Variants in SORCS2 observed in about 807,000 individuals in gnomAD.
SORCS2 encodes VPS10 domain-containing receptor SorCS2.
SORCS2 carries 100 observed loss-of-function variants against 141.6 expected under a neutral mutation model. That is an observed-to-expected ratio of 0.71 (90% confidence interval 0.60 to 0.83). The LOEUF is 0.83. Ranked by LOEUF, SORCS2 falls within the 40% of genes least tolerant of loss-of-function variation. SORCS2 has a pLI of 0.00. For missense variants in SORCS2, 1,646 were observed against 1,560.2 expected (o/e 1.05, Z -0.93); for synonymous variants, 789 against 676.9 (o/e 1.17, Z -2.57).
chr4:7,205,042 A>G (rs1487183102), intron 1 of SORCS2, among the ~76,000 whole-genome samples: 1 of 152,278 alleles, frequency 6.6e-6, no homozygotes, highest in Non-Finnish European at 1.5e-5. Context: ...GCACTCAATA[A>G]AAACCCTATG....
intron 1 of SORCS2, among the ~76,000 whole-genome samples, chr4:7,273,655 A>G (rs1715284693): frequency 1.3e-5 from 2 of 152,140 alleles, no homozygotes; most frequent in Admixed American, 6.5e-5. Flanking sequence ...CTGGCTAGGG[A>G]TTTCTGGGAG....
intron 3 of SORCS2, among the ~76,000 whole-genome samples, chr4:7,553,485 G>T (rs1303654509): frequency 6.6e-6 from 1 of 152,260 alleles, no homozygotes; most frequent in African/African-American, 2.4e-5. Flanking sequence ...ACCCAGCTAA[G>T]CTGTCATCTG....
intron 2 of SORCS2, among the ~76,000 whole-genome samples, chr4:7,412,465 G>A (rs7663146): frequency 0.15 from 22,944 of 152,136 alleles, 2,137 homozygotes; most frequent in East Asian, 0.36. Flanking sequence ...AGACGACCCC[G>A]TGCATTCTGA....
rs371557455 is a variant in SORCS2 at position 7,559,918 on chromosome 4, A to G, written c.648+28289A>G. On this transcript the variant is annotated intron_variant, in intron 3 of 26. Coordinates refer to ENST00000507866, the MANE Select transcript of SORCS2 (RefSeq NM_020777.3). ...TACTGCAGGGCCGGAGCCAGGCGCT[A>G]TGGAGTTGAGACTTTATTTCTCACT... Among the ~76,000 whole-genome samples, 6 of 152,200 alleles carry G rather than the reference A, an allele frequency of 3.9e-5. No individual in the cohort carries two copies. The East Asian group carries it at 5.8e-4, about 15-fold the overall frequency.
intron 1 of SORCS2, among the ~76,000 whole-genome samples, chr4:7,324,975 A>C (rs1719152023): frequency 6.6e-6 from 1 of 152,254 alleles, no homozygotes; most frequent in East Asian, 1.9e-4. Context: ...CTGGCCTGGA[A>C]GGAGTCTCTC....
At position 7,703,389 on chromosome 4, in the gene SORCS2, C is replaced by A. The variant is rs769052498; in HGVS notation, c.1760+18C>A. The A allele has an allele frequency of 6.2e-7, 1 of 1,605,046 alleles. No individual in the cohort carries two copies. The highest frequency in any genetic ancestry group is 8.5e-7 in the Non-Finnish European group (1 of 1,175,174). On this transcript the variant is annotated intron_variant, in intron 13 of 26. Coordinates refer to ENST00000507866, the MANE Select transcript of SORCS2 (RefSeq NM_020777.3). ...ATCCTCAAGTAATGGCGTCTGCTAG[C>A]CCCGGGGCAGGGAGGGCAGGCTGGG...
chr4:7,475,814 T>C (rs1730257376), intron 2 of SORCS2, among the ~76,000 whole-genome samples: 1 of 152,218 alleles, frequency 6.6e-6, no homozygotes, highest in East Asian at 1.9e-4. Context: ...GCATGTCCAG[T>C]GACAGACTCA....
At position 7,209,249 on chromosome 4, in the gene SORCS2, G is replaced by A. The variant is rs185341487; in HGVS notation, c.480+16123G>A. The stretch of plus-strand genomic sequence containing the variant: ...TGTCACCCTGTCCTTCAGCGCCCGA[G>A]AGCACGCCCCGCCCCCGTCTGTGAG... On this transcript the variant is annotated intron_variant, in intron 1 of 26. Transcript: ENST00000507866. Among the ~76,000 whole-genome samples, 13 of 152,278 alleles carry A rather than the reference G, an allele frequency of 8.5e-5. No individual in the cohort carries two copies. The East Asian group carries it at 2.3e-3, about 27-fold the overall frequency.
rs1327372167 is a variant in SORCS2 at position 7,654,138 on chromosome 4, A to G, written c.818A>G (p.Tyr273Cys). 10 of 1,576,680 alleles carry G rather than the reference A, an allele frequency of 6.3e-6. No homozygotes were observed. The highest frequency in any genetic ancestry group is 2.3e-5 in the East Asian group (1 of 43,080). Residue 273 changes from tyrosine (Y) to cysteine (C), a missense_variant, in exon 5 of 27, where the codon TAC becomes TGC. Coordinates refer to ENST00000507866, the MANE Select transcript of SORCS2 (RefSeq NM_020777.3). ...VLAYTKESKL[Y>C]VSSDLGKKWT... is the part of the protein sequence containing the mutation. ...TTTCTTTTTTCTGCCCTAAAGCTCT[A>G]CGTGTCATCTGACTTGGGGAAAAAG...
chr4:7,692,668 T>G (rs956406321), intron 11 of SORCS2, among the ~76,000 whole-genome samples: 22 of 152,304 alleles, frequency 1.4e-4, no homozygotes, highest in African/African-American at 5.3e-4. Flanking sequence ...AGCATCCTGA[T>G]GCCGAGTGTT....
At chr4:7,372,713 G>A (rs1722336575) in intron 1 of SORCS2, among the ~76,000 whole-genome samples, 1 of 152,106 alleles carries the variant, frequency 6.6e-6, no homozygotes, top group Non-Finnish European at 1.5e-5. Flanking sequence ...TCACCCCCCA[G>A]AAGTTCCCCT....
intron 9 of SORCS2, among the ~76,000 whole-genome samples, chr4:7,678,946 C>T (rs1436220580): frequency 6.6e-6 from 1 of 152,136 alleles, no homozygotes; most frequent in South Asian, 2.1e-4. Context: ...AGGTTTAAGG[C>T]TGTCATTCCT....
intron 1 of SORCS2, among the ~76,000 whole-genome samples, chr4:7,240,781 G>A (rs761351189): frequency 6.6e-6 from 1 of 152,200 alleles, no homozygotes; most frequent in Non-Finnish European, 1.5e-5. Context: ...GCAACTGCCC[G>A]CTGTGGTGCT....
intron 10 of SORCS2, among the ~76,000 whole-genome samples, chr4:7,685,231 G>T (rs1460163862): frequency 2.6e-5 from 4 of 152,314 alleles, no homozygotes; most frequent in Middle Eastern, 3.4e-3. Context: ...GATAACCTCG[G>T]TGAGATTTAT....
At chr4:7,641,811 TG>T (rs1720749465) in intron 4 of SORCS2, among the ~76,000 whole-genome samples, 1 of 133,234 alleles carries the variant, frequency 7.5e-6, no homozygotes, top group South Asian at 2.7e-4. Context: ...GATGGATGGA[TG>T]GATGGGTGGG....
At chr4:7,668,546 TG>T (rs1357656644) in intron 8 of SORCS2, among the ~76,000 whole-genome samples, 2 of 152,178 alleles carry the variant, frequency 1.3e-5, no homozygotes, top group African/African-American at 4.8e-5. Context: ...TGCTTGCACA[TG>T]GGAGCTTCTG....
chr4:7,623,763 G>A (rs867310333), intron 3 of SORCS2, among the ~76,000 whole-genome samples: 11 of 152,142 alleles, frequency 7.2e-5, no homozygotes, highest in Admixed American at 1.3e-4. Context: ...CCGCTTATGC[G>A]CTTTGTCGGT....
chr4:7,706,053 C>A (rs796250075), intron 14 of SORCS2, among the ~76,000 whole-genome samples: 1 of 82,236 alleles, frequency 1.2e-5, no homozygotes, highest in Admixed American at 1.4e-4. Flanking sequence ...GGCTGGGCTC[C>A]GCCTGGGCAG....
chr4:7,217,404 T>A lies in SORCS2; in HGVS notation c.480+24278T>A, dbSNP rs73079877. Among the ~76,000 whole-genome samples, 221 of 152,332 alleles carry A rather than the reference T, an allele frequency of 1.5e-3. 2 individuals carry two copies. Among genetic ancestry groups the A allele is most frequent in the African/African-American group, 5.1e-3 (210 of 41,574 alleles). On this transcript the variant is annotated intron_variant, in intron 1 of 26. Coordinates refer to ENST00000507866, the MANE Select transcript of SORCS2 (RefSeq NM_020777.3). ...AAAGGAACATTATTTTTAAAGCACA[T>A]GTAACCAACTCGCCTGGCTCGTGGC...
Sources: allele counts gnomAD v4.1 joint callset (sites outside exome capture counted in the v4.1 genomes callset), GRCh38; gene constraint gnomAD v4.1.1; transcripts MANE v1.5; gene names NCBI Gene and HGNC (gene_info 2026-07-23, HGNC 2026-07-21).